The following MBD5 variants were observed in gnomAD, a reference collection of about 807,000 sequenced individuals.
MBD5 encodes methyl-CpG-binding domain protein 5.
MBD5 carries 13 observed loss-of-function variants against 117.3 expected under a neutral mutation model. The observed-to-expected ratio is 0.11, with a 90% CI of 0.07 to 0.18. The LOEUF (loss-of-function observed/expected upper bound fraction) is 0.18. Ranked by LOEUF, MBD5 falls within the 10% of genes least tolerant of loss-of-function variation. The probability of loss-of-function intolerance (pLI) is 1.00; values close to 1 mark genes in which losing one functional copy is unlikely to be tolerated. For missense variants in MBD5, 1,879 were observed against 2,093.8 expected (o/e 0.90, Z 2.00); for synonymous variants, 727 against 766.4 (o/e 0.95, Z 0.85).
intron 4 of MBD5, among the ~76,000 whole-genome samples, chr2:148,433,232 T>C (rs1376073747): frequency 1.3e-5 from 2 of 152,212 alleles, no homozygotes; most frequent in Admixed American, 6.6e-5. Context: ...GAAACTTTGC[T>C]TAATTTTTTA....
chr2:148,374,414 C>T lies in MBD5; in HGVS notation c.-557+32078C>T, dbSNP rs570584307. ...TAAAAGACCCTTGAGCAACATTAAA[C>T]AATATGCGACTTCCTTTTATTTTTC... is the stretch of plus-strand genomic sequence containing the variant. On this transcript the variant is annotated intron_variant, in intron 4 of 13. Coordinates refer to ENST00000642680, the MANE Select transcript of MBD5 (RefSeq NM_001378120.1). 4.6e-5 allele frequency among the ~76,000 whole-genome samples: 7 copies of T among 152,258 alleles called. No homozygotes were observed. The South Asian group carries it at 1.5e-3, about 32-fold the overall frequency.
At chr2:148,317,442 G>A (rs946347081) in intron 3 of MBD5, among the ~76,000 whole-genome samples, 1 of 152,060 alleles carries the variant, frequency 6.6e-6, no homozygotes, top group African/African-American at 2.4e-5. Flanking sequence ...TGGGGCCAAA[G>A]TAATTATTTT....
At chr2:148,075,107 A>G (rs1394877634) in intron 1 of MBD5, among the ~76,000 whole-genome samples, 1 of 152,194 alleles carries the variant, frequency 6.6e-6, no homozygotes, top group Non-Finnish European at 1.5e-5. Context: ...AGATTATTGG[A>G]AAGATGGCTC....
intron 1 of MBD5, among the ~76,000 whole-genome samples, chr2:148,108,139 G>A (rs1696417026): frequency 6.6e-6 from 1 of 152,068 alleles, no homozygotes; most frequent in South Asian, 2.1e-4. Flanking sequence ...AAAGGGTTGG[G>A]GGTGGGTGGG....
intron 4 of MBD5, among the ~76,000 whole-genome samples, chr2:148,366,220 A>G (rs1368689988): frequency 6.6e-6 from 1 of 152,188 alleles, no homozygotes. Flanking sequence ...AACAAATGAC[A>G]AAAACCACAT....
intron 4 of MBD5, among the ~76,000 whole-genome samples, chr2:148,411,512 C>CTTTTTTTTTTTTTTTTTTT (rs1188326755): frequency 2.1e-5 from 2 of 97,448 alleles, no homozygotes; most frequent in African/African-American, 8.1e-5. Flanking sequence ...AGCATCTGTT[C>CTTTTTTTTTTTTTTTTTTT]TTTTTTTTTT....
At chr2:148,279,580 C>T (rs1029858754) in intron 3 of MBD5, among the ~76,000 whole-genome samples, 3 of 152,232 alleles carry the variant, frequency 2.0e-5, no homozygotes, top group South Asian at 2.1e-4. Flanking sequence ...CCACAATCCA[C>T]TATCACAGTA....
At chr2:148,399,612 G>T (rs1704851959) in intron 4 of MBD5, among the ~76,000 whole-genome samples, 1 of 152,182 alleles carries the variant, frequency 6.6e-6, no homozygotes, top group African/African-American at 2.4e-5. Context: ...GGGACAATTT[G>T]ACTTCCTCTT....
At chr2:148,189,290 CA>C (rs1169388956) in intron 2 of MBD5, among the ~76,000 whole-genome samples, 1 of 150,380 alleles carries the variant, frequency 6.6e-6, no homozygotes, top group Non-Finnish European at 1.5e-5. Flanking sequence ...CTGTAGGCTC[CA>C]CCTCTGGGGG....
At chr2:148,243,050 A>T (rs539187963) in intron 3 of MBD5, among the ~76,000 whole-genome samples, 4 of 152,294 alleles carry the variant, frequency 2.6e-5, no homozygotes, top group African/African-American at 9.6e-5. Context: ...TTTCAAATAG[A>T]AGCCCATCAA....
chr2:148,341,979 C>A (rs114927454), intron 3 of MBD5, among the ~76,000 whole-genome samples: 1,528 of 151,890 alleles, frequency 0.01, 24 homozygotes, highest in African/African-American at 0.035. Context: ...AAATATGTTT[C>A]TTCTGATTAT....
chr2:148,388,075 T>G (rs897491489), intron 4 of MBD5, among the ~76,000 whole-genome samples: 2 of 152,188 alleles, frequency 1.3e-5, no homozygotes, highest in African/African-American at 4.8e-5. Flanking sequence ...AGATTTGTTG[T>G]AAAGCTGTAA....
intron 3 of MBD5, among the ~76,000 whole-genome samples, chr2:148,308,771 G>A (rs1415265784): frequency 6.6e-6 from 1 of 151,928 alleles, no homozygotes; most frequent in Non-Finnish European, 1.5e-5. Context: ...TTCTTCTAGG[G>A]TTTTTATGGT....
intron 1 of MBD5, among the ~76,000 whole-genome samples, chr2:148,156,258 A>T (rs555996827): frequency 6.6e-6 from 1 of 152,348 alleles, no homozygotes; most frequent in Non-Finnish European, 1.5e-5. Flanking sequence ...ACTGTATAAC[A>T]TAGCACCTGA....
chr2:148,327,492 A>C (rs915421072), intron 3 of MBD5, among the ~76,000 whole-genome samples: 2 of 152,074 alleles, frequency 1.3e-5, no homozygotes, highest in Admixed American at 1.3e-4. Context: ...TCAGACGTAG[A>C]TTTGGTCTTT....
Position 148,262,222 on chromosome 2 carries a change from C to T in MBD5, c.-680+28827C>T, listed in dbSNP as rs568895569. On this transcript the variant is annotated intron_variant, in intron 3 of 13. Transcript: ENST00000642680. ...GCAAACCTTCCATTTGTAAAAAACACAATATCTGTGAAGAGCAAAAAAACA... is the reference window on the plus strand; with the variant it reads ...GCAAACCTTCCATTTGTAAAAAACATAATATCTGTGAAGAGCAAAAAAACA... 5.3e-4 allele frequency among the ~76,000 whole-genome samples: 80 copies of T among 152,094 alleles called. 1 individual carries two copies. The South Asian group carries it at 7.5e-3, about 14-fold the overall frequency.
intron 3 of MBD5, among the ~76,000 whole-genome samples, chr2:148,317,572 T>C (rs575707601): frequency 1.3e-5 from 2 of 152,282 alleles, no homozygotes; most frequent in East Asian, 3.9e-4. Flanking sequence ...TAAGGAACAA[T>C]GTACCCAATA....
chr2:148,309,774 G>A (rs1701984371), intron 3 of MBD5, among the ~76,000 whole-genome samples: 1 of 152,154 alleles, frequency 6.6e-6, no homozygotes, highest in Admixed American at 6.5e-5. Flanking sequence ...TGCCCATTCA[G>A]TATGATATTG....
rs1009714692 is a variant in MBD5, at chr2:148,111,034, T to G, written c.-924-67666T>G. On this transcript the variant is annotated intron_variant, in intron 1 of 13. Transcript: ENST00000642680. ...TCTCCAAATTTAATCGGGGGATATT[T>G]TGGCTTCTGTTTTCAATTAGTTCAT... 7.2e-5 allele frequency among the ~76,000 whole-genome samples: 11 copies of G among 152,294 alleles called. No homozygotes were observed. The East Asian group carries it at 7.7e-4, about 11-fold the overall frequency.
Sources: gnomAD v4.1 joint callset for allele counts (sites outside exome capture counted in the v4.1 genomes callset) on GRCh38, gnomAD v4.1.1 for gene constraint, MANE v1.5 for transcripts, NCBI Gene and HGNC (gene_info 2026-07-23, HGNC 2026-07-21) for gene names.